Variants in TOM1L2 observed in about 807,000 individuals in gnomAD.
The protein encoded by TOM1L2 is TOM1-like protein 2.
A neutral mutation model predicts 67.9 loss-of-function variants in TOM1L2; 31 were observed. The ratio of observed to expected loss-of-function variants is 0.46; its 90% CI spans 0.34 to 0.62. The LOEUF (loss-of-function observed/expected upper bound fraction) is 0.62, where lower values mean the gene tolerates loss of function less well. Among genes scored for constraint, TOM1L2 ranks in the 20% least tolerant of loss-of-function variants. The pLI, the probability that TOM1L2 is intolerant of heterozygous loss-of-function variation, is 0.01. For missense variants in TOM1L2, 606 were observed against 663.5 expected (o/e 0.91, Z 0.95); for synonymous variants, 256 against 254.0 (o/e 1.01, Z -0.07).
intron 1 of TOM1L2, among the ~76,000 whole-genome samples, chr17:17,910,256 G>A (rs970042434): frequency 6.6e-6 from 1 of 152,292 alleles, no homozygotes; most frequent in Middle Eastern, 3.4e-3. Flanking sequence ...ATCGTCAGTG[G>A]CAGAGCCAGG....
intron 3 of TOM1L2, among the ~76,000 whole-genome samples, chr17:17,895,643 A>G (rs2144253014): frequency 6.6e-6 from 1 of 152,274 alleles, no homozygotes; most frequent in African/African-American, 2.4e-5. Context: ...GGAGCACAAG[A>G]GCTGTGATTA....
At position 17,972,266 on chromosome 17, in the gene TOM1L2, G is replaced by A. The variant is rs745797143; in HGVS notation, c.48C>T (p.Cys16=). ...GNPFSTPVGQ[C]LEKATDGSLQ... ...CTGCCCCACACGCGGCCTTACCGAG[G>A]CACTGCCCCACTGGTGTGCTGAACG... Residue 16 remains cysteine, a synonymous_variant, in exon 1 of 15, where the codon TGC becomes TGT. Coordinates refer to ENST00000379504, the MANE Select transcript of TOM1L2 (RefSeq NM_001082968.2). The A allele has an allele frequency of 5.2e-6, 8 of 1,551,138 alleles. No individual in the cohort carries two copies. The Admixed American group carries it at 1.6e-4, about 30-fold the overall frequency.
intron 6 of TOM1L2, among the ~76,000 whole-genome samples, chr17:17,880,251 T>G (rs2144024699): frequency 6.6e-6 from 1 of 152,234 alleles, no homozygotes; most frequent in East Asian, 1.9e-4. Context: ...CTGGGCAGTG[T>G]CAATAGCACT....
At chr17:17,863,734 A>G (rs1255896432) in intron 10 of TOM1L2, among the ~76,000 whole-genome samples, 2 of 151,950 alleles carry the variant, frequency 1.3e-5, no homozygotes, top group Non-Finnish European at 2.9e-5. Context: ...TATTTTGTAG[A>G]GACAAGGTCT....
intron 2 of TOM1L2, 29 bp downstream of exon 2, chr17:17,907,418 G>A (rs2039146432): frequency 6.2e-7 from 1 of 1,608,856 alleles, no homozygotes; most frequent in Non-Finnish European, 8.5e-7. Context: ...AGCTCAGAGA[G>A]GCTTCCCAGG....
chr17:17,910,322 G>C (rs2144462028), intron 1 of TOM1L2, among the ~76,000 whole-genome samples: 1 of 152,332 alleles, frequency 6.6e-6, no homozygotes, highest in East Asian at 1.9e-4. Context: ...GCTCTGTGAG[G>C]GCAGGGACTA....
chr17:17,898,653 G>T lies in TOM1L2; in HGVS notation c.159C>A (p.Ala53=), dbSNP rs1210649136. 6.2e-7 allele frequency: 1 copy of T among 1,614,196 alleles called. No individual in the cohort carries two copies. The highest frequency in any genetic ancestry group is 1.7e-5 in the Admixed American group (1 of 60,020). ...TEEGPKDAIR[A]LKKRLNGNRN... is the part of the protein sequence containing the mutation. ...GGTTCCCGTTGAGCCGCTTCTTCAG[G>T]GCTCGAATGGCATCCTTTGGCCTGG... The change falls in exon 3 of 15, where the codon GCC becomes GCA. Residue 53 remains alanine, a synonymous_variant. Transcript: ENST00000379504.
intron 1 of TOM1L2, among the ~76,000 whole-genome samples, chr17:17,913,901 AGT>A (rs2039515401): frequency 6.6e-6 from 1 of 152,200 alleles, no homozygotes. Flanking sequence ...GCCCTACCAA[AGT>A]GCAATCTCTG....
chr17:17,889,761 C>T (rs1051792932), intron 4 of TOM1L2, among the ~76,000 whole-genome samples: 1 of 152,242 alleles, frequency 6.6e-6, no homozygotes, highest in Non-Finnish European at 1.5e-5. Flanking sequence ...TTAAGTCCTT[C>T]CTGGCTGGGC....
intron 12 of TOM1L2, chr17:17,858,226 A>ATT (rs10664045): frequency 0.8 from 126,414 of 157,294 alleles, 52,065 homozygotes; most frequent in South Asian, 0.91. Flanking sequence ...TTTTTCCTAC[A>ATT]TTTTTTTTTT....
At chr17:17,945,356 G>C (rs2040902618) in intron 1 of TOM1L2, among the ~76,000 whole-genome samples, 1 of 150,116 alleles carries the variant, frequency 6.7e-6, no homozygotes, top group Non-Finnish European at 1.5e-5. Context: ...TATATATATG[G>C]CTCAGAAATC....
At chr17:17,881,992 C>T (rs2037752129) in intron 6 of TOM1L2, among the ~76,000 whole-genome samples, 1 of 152,124 alleles carries the variant, frequency 6.6e-6, no homozygotes, top group Non-Finnish European at 1.5e-5. Context: ...GACCAATTCT[C>T]AAATTGTAAC....
At chr17:17,925,423 A>AT (rs2040042808) in intron 1 of TOM1L2, among the ~76,000 whole-genome samples, 1 of 152,182 alleles carries the variant, frequency 6.6e-6, no homozygotes, top group South Asian at 2.1e-4. Context: ...AACTTTAAAA[A>AT]TTTTTTATGT....
Position 17,884,617 on chromosome 17 carries a change from G to C in TOM1L2, c.501+17C>G, listed in dbSNP as rs1371914284. Reference sequence around the variant, plus strand: ...TCTGCAGTAGGTCTTTCTAGAAAGTGCCAGCTGGAAGCTTACCCGCTGTGG... The same window carrying C: ...TCTGCAGTAGGTCTTTCTAGAAAGTCCCAGCTGGAAGCTTACCCGCTGTGG... On this transcript the variant is annotated intron_variant, in intron 5 of 14. Transcript: ENST00000379504. The C allele has an allele frequency of 1.9e-6, 3 of 1,613,732 alleles. No homozygotes were observed. Among genetic ancestry groups the C allele is most frequent in the Admixed American group, 3.3e-5 (2 of 60,010 alleles).
intron 10 of TOM1L2, 65 bp from the exon 11 acceptor site, chr17:17,862,913 G>T: frequency 9.6e-7 from 1 of 1,040,796 alleles, no homozygotes. Flanking sequence ...CTGATGAAGG[G>T]CCCCCAAGCT....
At chr17:17,861,604 G>A in intron 11 of TOM1L2, 53 bp from the exon 12 acceptor site, 1 of 1,522,934 alleles carries the variant, frequency 6.6e-7, no homozygotes, top group Non-Finnish European at 9.1e-7. Context: ...AGTGGTCATG[G>A]AGGGATGGGG....
At chr17:17,898,817 T>C (rs2038707979) in intron 2 of TOM1L2, 143 bp from the exon 3 acceptor site, 4 of 749,228 alleles carry the variant, frequency 5.3e-6, no homozygotes, top group Non-Finnish European at 6.9e-6. Context: ...ACAAACTGAA[T>C]GTCCATCAAT....
In TOM1L2 at chr17:17,871,889, A is replaced by G. The variant is rs1004573515; in HGVS notation, c.778-2416T>C. ...AACATACAGACAAGTGCTAGAATTA[A>G]TAAGAGGTGAATACGGGATCTTAAT... On this transcript the variant is annotated intron_variant, in intron 7 of 14. Coordinates refer to ENST00000379504, the MANE Select transcript of TOM1L2 (RefSeq NM_001082968.2). The G allele has an allele frequency of 1.3e-5, 10 of 789,536 alleles. No individual in the cohort carries two copies. In the African/African-American group the frequency reaches 1.5e-4, roughly 12 times the overall value. The allele number at this position is 789,536 out of a possible 1,614,324, so 48.9% of individuals were successfully genotyped here.
intron 1 of TOM1L2, among the ~76,000 whole-genome samples, chr17:17,936,770 G>A (rs1446007738): frequency 1.3e-5 from 2 of 152,156 alleles, no homozygotes; most frequent in African/African-American, 4.8e-5. Context: ...TCTCTGTAAA[G>A]AAAAATGTTT....
Sources: allele counts gnomAD v4.1 joint callset (sites outside exome capture counted in the v4.1 genomes callset), GRCh38; gene constraint gnomAD v4.1.1; transcripts MANE v1.5; gene names NCBI Gene and HGNC (gene_info 2026-07-23, HGNC 2026-07-21).